Variants in PCDHGA11 observed in about 807,000 individuals in gnomAD.
The protein encoded by PCDHGA11 is protocadherin gamma-A11.
PCDHGA11 carries 39 observed loss-of-function variants against 60.4 expected under a neutral mutation model. The ratio of observed to expected loss-of-function variants is 0.65; its 90% CI spans 0.50 to 0.84. The LOEUF (loss-of-function observed/expected upper bound fraction) is 0.84. Ranked by LOEUF, PCDHGA11 falls within the 40% of genes least tolerant of loss-of-function variation. The pLI, the probability that PCDHGA11 is intolerant of heterozygous loss-of-function variation, is 0.00. For missense variants in PCDHGA11, 1,165 were observed against 1,197.7 expected (o/e 0.97, Z 0.40); for synonymous variants, 533 against 510.3 (o/e 1.04, Z -0.60).
At chr5:141,497,541 T>C (rs1157403777) in intron 2 of PCDHGA11, among the ~76,000 whole-genome samples, 9 of 89,564 alleles carry the variant, frequency 1.0e-4, no homozygotes, top group Non-Finnish European at 2.1e-4. Context: ...GCAACAAACC[T>C]TTTTTTTTTT....
Position 141,476,901 on chromosome 5 carries a change from G to A in PCDHGA11, c.2434-17906G>A, listed in dbSNP as rs1466086788. The A allele has an allele frequency of 1.9e-6, 3 of 1,613,782 alleles. No individual in the cohort carries two copies. The African/African-American group carries it at 4.0e-5, about 22-fold the overall frequency. On this transcript the variant is annotated intron_variant, in intron 1 of 3. Coordinates refer to ENST00000398587, the MANE Select transcript of PCDHGA11 (RefSeq NM_018914.3). The surrounding 1 kb of genome is among the most constrained non-coding windows in gnomAD (Gnocchi z 7.6). ...CTGGAGGATGCACCCTCCGGCACGC[G>A]CGTGGTACAAGTCCTTGCAACGGAT...
chr5:141,487,404 C>A lies in PCDHGA11; in HGVS notation c.2434-7403C>A, dbSNP rs771371344. 1.2e-6 allele frequency: 2 copies of A among 1,614,178 alleles called. No homozygotes were observed. Among genetic ancestry groups the A allele is most frequent in the Non-Finnish European group, 1.7e-6 (2 of 1,180,032 alleles). ...AGATCTCGAAGGAGGGAGGGGCTTC[C>A]CCCTTCCAATGGGATCCTCCGAATC... is the stretch of plus-strand genomic sequence containing the variant. On this transcript the variant is annotated intron_variant, in intron 1 of 3. Coordinates refer to ENST00000398587, the MANE Select transcript of PCDHGA11 (RefSeq NM_018914.3). The surrounding 1 kb of genome is among the most constrained non-coding windows in gnomAD (Gnocchi z 5.0).
chr5:141,438,998 C>A (rs932958148), intron 1 of PCDHGA11, among the ~76,000 whole-genome samples: 7 of 151,836 alleles, frequency 4.6e-5, no homozygotes, highest in Non-Finnish European at 1.0e-4. Flanking sequence ...GGCTAAGGAC[C>A]TGGTTTGTTT....
rs373867677 is a variant in PCDHGA11 at position 141,432,049 on chromosome 5, G to A, written c.2433+8389G>A. The A allele has an allele frequency of 2.0e-5, 32 of 1,614,150 alleles. No individual in the cohort carries two copies. In the African/African-American group the frequency reaches 4.1e-4, roughly 21 times the overall value. ...TGACCGCCACTGACCGGGGAACCCC[G>A]CCCCTATCCACGGAAACTCATATCT... On this transcript the variant is annotated intron_variant, in intron 1 of 3. Coordinates refer to ENST00000398587, the MANE Select transcript of PCDHGA11 (RefSeq NM_018914.3). The surrounding 1 kb of genome is among the most constrained non-coding windows in gnomAD (Gnocchi z 6.0).
chr5:141,431,974 CA>C lies in PCDHGA11; in HGVS notation c.2433+8315del, dbSNP rs1419355804. The C allele has an allele frequency of 1.2e-6, 2 of 1,614,174 alleles. No individual in the cohort carries two copies. The highest frequency in any genetic ancestry group is 1.3e-5 in the African/African-American group (1 of 75,058). On this transcript the variant is annotated intron_variant, in intron 1 of 3. Transcript: ENST00000398587. This position sits in a 1 kb window ranked among gnomAD's most constrained non-coding sequence, Gnocchi z 4.8. ...CTTACGGAAATTACTATAGTTTAGT[CA>C]CAGACATAGTCTTGGATAGGGAACA... is the stretch of plus-strand genomic sequence containing the variant.
rs1011731430 is a variant in PCDHGA11, at chr5:141,489,676, G to A, written c.2434-5131G>A. 6.2e-7 allele frequency: 1 copy of A among 1,614,158 alleles called. No individual in the cohort carries two copies. The highest frequency in any genetic ancestry group is 8.5e-7 in the Non-Finnish European group (1 of 1,180,008). On this transcript the variant is annotated intron_variant, in intron 1 of 3. Coordinates refer to ENST00000398587, the MANE Select transcript of PCDHGA11 (RefSeq NM_018914.3). This position sits in a 1 kb window ranked among gnomAD's most constrained non-coding sequence, Gnocchi z 4.5. ...GCGAGAGATGCGCATCTCAGAATCAGCAGCATCTGGGGCACGATTCCCACT... is the reference window on the plus strand; with the variant it reads ...GCGAGAGATGCGCATCTCAGAATCAACAGCATCTGGGGCACGATTCCCACT...
chr5:141,458,553 T>G (rs987591790), intron 1 of PCDHGA11, among the ~76,000 whole-genome samples: 24 of 146,852 alleles, frequency 1.6e-4, no homozygotes, highest in Non-Finnish European at 2.5e-4. Flanking sequence ...TGTTTGTTTG[T>G]TTTGGTTTTG....
intron 1 of PCDHGA11, among the ~76,000 whole-genome samples, chr5:141,454,617 G>T (rs2098794218): frequency 6.6e-6 from 1 of 151,322 alleles, no homozygotes; most frequent in Non-Finnish European, 1.5e-5. Context: ...TGTTGGTCAG[G>T]CTGGTCTCGA....
intron 2 of PCDHGA11, among the ~76,000 whole-genome samples, chr5:141,498,848 G>T (rs930895553): frequency 6.6e-6 from 1 of 151,908 alleles, no homozygotes; most frequent in African/African-American, 2.4e-5. Context: ...CAGGGGAATC[G>T]CTTGAACCCA....
intron 1 of PCDHGA11, chr5:141,475,801 A>G: frequency 3.2e-6 from 1 of 312,546 alleles, no homozygotes. Flanking sequence ...AGGAAGCCAA[A>G]GGAAAGTGAA....
At position 141,421,077 on chromosome 5, in the gene PCDHGA11, A is replaced by G. The variant is rs975269359; in HGVS notation, c.-151A>G. 1.6e-6 allele frequency: 1 copy of G among 619,100 alleles called. No individual in the cohort carries two copies. Among genetic ancestry groups the G allele is most frequent in the Non-Finnish European group, 2.7e-6 (1 of 366,210 alleles). The allele number at this position is 619,100 out of a possible 1,614,324, so 38.4% of individuals were successfully genotyped here. ...CCACACAAAGCGGAATGAGATGGATACTCACAGATCCTGACACTGGAGACT... is the reference window on the plus strand; with the variant it reads ...CCACACAAAGCGGAATGAGATGGATGCTCACAGATCCTGACACTGGAGACT... On this transcript the variant is annotated 5_prime_UTR_variant, in exon 1 of 4. It adds an upstream start codon to the 5' untranslated region. Coordinates refer to ENST00000398587, the MANE Select transcript of PCDHGA11 (RefSeq NM_018914.3).
At chr5:141,450,211 T>TTTCA (rs1038674129) in intron 1 of PCDHGA11, among the ~76,000 whole-genome samples, 23 of 152,166 alleles carry the variant, frequency 1.5e-4, no homozygotes, top group African/African-American at 4.3e-4. Flanking sequence ...AGAGACAAGG[T>TTTCA]TTCACTATGT....
At chr5:141,445,148 C>A (rs1051995635) in intron 1 of PCDHGA11, among the ~76,000 whole-genome samples, 3 of 152,092 alleles carry the variant, frequency 2.0e-5, no homozygotes, top group Non-Finnish European at 4.4e-5. Context: ...TCTAATTGTT[C>A]ATTTCTAGTT....
In PCDHGA11 at chr5:141,481,621, C is replaced by T. The variant is rs533294863; in HGVS notation, c.2434-13186C>T. Among the ~76,000 whole-genome samples the T allele has an allele frequency of 3.9e-5, 6 of 152,198 alleles. 1 individual carries two copies. Among genetic ancestry groups the T allele is most frequent in the East Asian group, 3.9e-4 (2 of 5,172 alleles). Reference sequence around the variant, plus strand: ...TCACCTGAGGCCAGGAGTTCAAGACCGGCCTGGCCAACATGGTGAAACTTC... The same window carrying T: ...TCACCTGAGGCCAGGAGTTCAAGACTGGCCTGGCCAACATGGTGAAACTTC... On this transcript the variant is annotated intron_variant, in intron 1 of 3. Transcript: ENST00000398587.
intron 3 of PCDHGA11, among the ~76,000 whole-genome samples, chr5:141,509,065 T>A (rs1294546432): frequency 6.6e-6 from 1 of 152,018 alleles, no homozygotes; most frequent in Non-Finnish European, 1.5e-5. Context: ...AGCTCTCAGC[T>A]CCGGGGATTT....
intron 1 of PCDHGA11, chr5:141,427,831 G>T: frequency 7.1e-6 from 11 of 1,539,366 alleles, no homozygotes; most frequent in Non-Finnish European, 9.8e-6. Context: ...GTCGCGCAGC[G>T]TGCCTTCGAC....
Position 141,423,591 on chromosome 5 carries a change from A to G in PCDHGA11, c.2364A>G (p.Lys788=). 6.2e-7 allele frequency: 1 copy of G among 1,613,312 alleles called. No individual in the cohort carries two copies. The highest frequency in any genetic ancestry group is 1.1e-5 in the South Asian group (1 of 91,016). Residue 788 remains lysine (K), a synonymous_variant, in exon 1 of 4, where the codon AAA becomes AAG. Transcript: ENST00000398587. Reference sequence around the variant, plus strand: ...TCATCAGCCAGGAGAGCTGTGAGAAAAGCGAGCCACTCTTGATAGCTGAAG... The same window carrying G: ...TCATCAGCCAGGAGAGCTGTGAGAAGAGCGAGCCACTCTTGATAGCTGAAG... ...DTLISQESCE[K]SEPLLIAEDS... is the part of the protein sequence containing the mutation.
rs34152666 is a variant in PCDHGA11 at position 141,428,860 on chromosome 5, C to CT, written c.2433+5213dup. 6.7e-4 allele frequency: 98 copies of CT among 145,544 alleles called. 1 individual carries two copies. The highest frequency in any genetic ancestry group is 1.4e-3 in the East Asian group (7 of 4,990). 9.0% of individuals were successfully genotyped at this position (145,544 alleles called of 1,614,324 possible). On this transcript the variant is annotated intron_variant, in intron 1 of 3. Transcript: ENST00000398587. ...ACATTTTCACCATTTTTACGGGAGA[C>CT]TTTTTTTTTTTTTGGACGGAGTCTC...
At position 141,505,378 on chromosome 5, in the gene PCDHGA11, C is replaced by T. The variant is rs376550639; in HGVS notation, c.2493-15C>T. 2 of 1,614,034 alleles carry T rather than the reference C, an allele frequency of 1.2e-6. No homozygotes were observed. The highest frequency in any genetic ancestry group is 2.2e-5 in the East Asian group (1 of 44,872). On this transcript the variant is annotated splice_polypyrimidine_tract_variant and intron_variant, in intron 2 of 3. Transcript: ENST00000398587. ...GGCCTGGGAGTCTGTGCTCACCATC[C>T]TACTCTCTCCCCAGCTCCCAAAATG...
Sources: gnomAD v4.1 joint callset for allele counts (sites outside exome capture counted in the v4.1 genomes callset) on GRCh38, gnomAD v4.1.1 for gene constraint, Gnocchi (gnomAD v3.1) non-coding constraint, MANE v1.5 for transcripts, NCBI Gene and HGNC (gene_info 2026-07-23, HGNC 2026-07-21) for gene names.